GRIK2: variants seen among roughly 807,000 people sequenced by gnomAD.
GRIK2 encodes the protein glutamate ionotropic receptor kainate type subunit 2.
Under a neutral mutation model 100.3 loss-of-function variants are expected in GRIK2, and 32 were observed. That is an observed-to-expected ratio of 0.32 (90% CI 0.24 to 0.43). The LOEUF is 0.43. Among genes scored for constraint, GRIK2 ranks in the 20% least tolerant of loss-of-function variants. GRIK2 has a pLI of 1.00. For synonymous variants in GRIK2, 417 were observed against 389.4 expected (o/e 1.07, Z -0.83); for missense variants, 843 against 1,114.9 (o/e 0.76, Z 3.47).
intron 14 of GRIK2, among the ~76,000 whole-genome samples, chr6:101,944,068 T>C (rs955495362): frequency 1.3e-5 from 2 of 152,088 alleles, no homozygotes; most frequent in African/African-American, 4.8e-5. Flanking sequence ...CTCCCAATGC[T>C]GTCTCATAAG....
intron 2 of GRIK2, among the ~76,000 whole-genome samples, chr6:101,499,626 A>G (rs1473693726): frequency 6.6e-6 from 1 of 152,112 alleles, no homozygotes; most frequent in African/African-American, 2.4e-5. Context: ...AATTTGTAAT[A>G]GTTAACATTT....
chr6:101,841,864 A>C (rs945895454), intron 10 of GRIK2, among the ~76,000 whole-genome samples: 2 of 152,032 alleles, frequency 1.3e-5, no homozygotes, highest in Admixed American at 6.6e-5. Flanking sequence ...ATTAGTTGAC[A>C]CTTGGTACCT....
intron 3 of GRIK2, among the ~76,000 whole-genome samples, chr6:101,623,110 T>A (rs1160231069): frequency 6.6e-6 from 1 of 152,110 alleles, no homozygotes; most frequent in Non-Finnish European, 1.5e-5. Flanking sequence ...ATGGTTTTAC[T>A]GTAGCTACCT....
chr6:101,496,144 A>T (rs576979972), intron 2 of GRIK2, among the ~76,000 whole-genome samples: 7 of 151,988 alleles, frequency 4.6e-5, no homozygotes, highest in African/African-American at 1.7e-4. Context: ...ATGGGGTTTC[A>T]CCATGTTGGC....
chr6:101,747,062 A>C (rs1215535086), intron 7 of GRIK2, among the ~76,000 whole-genome samples: 1 of 152,190 alleles, frequency 6.6e-6, no homozygotes, highest in Admixed American at 6.5e-5. Flanking sequence ...CCAGAGAAAT[A>C]AGTCTTCCGT....
intron 1 of GRIK2, 145 bp from the exon 2 acceptor site, chr6:101,398,840 C>T: frequency 2.5e-6 from 1 of 395,314 alleles, no homozygotes; most frequent in Non-Finnish European, 4.5e-6. Flanking sequence ...ACGTCAGAAG[C>T]TGTGCAGCAG....
intron 2 of GRIK2, among the ~76,000 whole-genome samples, chr6:101,419,644 C>T (rs1776321073): frequency 6.6e-6 from 1 of 152,192 alleles, no homozygotes; most frequent in Non-Finnish European, 1.5e-5. Context: ...AGCCTAGAAA[C>T]TGGGTGCCAT....
At chr6:101,912,395 C>G (rs1051307976) in intron 12 of GRIK2, among the ~76,000 whole-genome samples, 2 of 151,504 alleles carry the variant, frequency 1.3e-5, no homozygotes, top group Non-Finnish European at 3.0e-5. Flanking sequence ...TTCCCAGTCT[C>G]AGGCCTACAT....
intron 2 of GRIK2, among the ~76,000 whole-genome samples, chr6:101,403,698 A>G (rs1166137470): frequency 1.3e-5 from 2 of 151,942 alleles, no homozygotes; most frequent in Admixed American, 6.6e-5. Context: ...TTTGAAAGAG[A>G]TTTTTCCTCC....
chr6:101,466,531 A>G (rs897890371), intron 2 of GRIK2, among the ~76,000 whole-genome samples: 1 of 151,708 alleles, frequency 6.6e-6, no homozygotes, highest in African/African-American at 2.4e-5. Context: ...GTGAAAACAT[A>G]TTTGTTAGCT....
chr6:102,055,191 AGTT>A (rs765711911), intron 15 of GRIK2, 136 bp from the exon 16 acceptor site: 6 of 580,850 alleles, frequency 1.0e-5, no homozygotes, highest in Non-Finnish European at 1.8e-5. Context: ...TGTTTTTTCC[AGTT>A]GTTTTTCTCT....
At chr6:101,419,997 C>G (rs1582408236) in intron 2 of GRIK2, among the ~76,000 whole-genome samples, 2 of 152,330 alleles carry the variant, frequency 1.3e-5, no homozygotes, top group Non-Finnish European at 2.9e-5. Flanking sequence ...ATGCTGTATT[C>G]TAACCTCTAG....
rs183698970 is a variant in GRIK2 at position 101,954,199 on chromosome 6, A to G, written c.2085+25567A>G. On this transcript the variant is annotated intron_variant, in intron 14 of 16. Coordinates refer to ENST00000369134, the MANE Select transcript of GRIK2 (RefSeq NM_021956.5). ...CATCAGTTTCCTTTTTTATTTCAAG[A>G]TTGTTTTGACTATGTCAGGTTCCCT... Among the ~76,000 whole-genome samples, 4 of 152,214 alleles carry G rather than the reference A, an allele frequency of 2.6e-5. No homozygotes were observed. The East Asian group carries it at 7.7e-4, about 29-fold the overall frequency.
intron 12 of GRIK2, among the ~76,000 whole-genome samples, chr6:101,918,213 C>T (rs1218628649): frequency 2.0e-5 from 3 of 151,372 alleles, no homozygotes; most frequent in Admixed American, 6.6e-5. Flanking sequence ...AAAAAATAAA[C>T]ACATATTGAA....
At position 101,754,541 on chromosome 6, in the gene GRIK2, T is replaced by C. The variant is rs545917056; in HGVS notation, c.952-45107T>C. Among the ~76,000 whole-genome samples the C allele has an allele frequency of 2.4e-4, 36 of 152,316 alleles. No individual in the cohort carries two copies. In the South Asian group the frequency reaches 7.5e-3, roughly 32 times the overall value. ...GTAGACCTATGCTAACCAATCATAA[T>C]GTAAATGTAACCAAAAGAGCTATAA... On this transcript the variant is annotated intron_variant, in intron 7 of 16. Transcript: ENST00000369134.
At chr6:101,822,372 G>A (rs1467363764) in intron 10 of GRIK2, among the ~76,000 whole-genome samples, 2 of 151,852 alleles carry the variant, frequency 1.3e-5, no homozygotes, top group Admixed American at 6.6e-5. Context: ...ACTCACAGTA[G>A]AAGAATAGAC....
At chr6:101,947,224 A>C (rs891749812) in intron 14 of GRIK2, among the ~76,000 whole-genome samples, 1 of 152,160 alleles carries the variant, frequency 6.6e-6, no homozygotes, top group African/African-American at 2.4e-5. Context: ...GTAATTTTTA[A>C]TACTAACAAT....
At chr6:101,873,556 A>G (rs1785582303) in intron 11 of GRIK2, among the ~76,000 whole-genome samples, 1 of 152,020 alleles carries the variant, frequency 6.6e-6, no homozygotes, top group African/African-American at 2.4e-5. Flanking sequence ...CAATAAACAT[A>G]CATGTGCATG....
At chr6:101,576,747 TGAG>T (rs1320106202) in intron 2 of GRIK2, among the ~76,000 whole-genome samples, 9 of 152,042 alleles carry the variant, frequency 5.9e-5, no homozygotes, top group African/African-American at 1.9e-4. Flanking sequence ...TCTGTGTAAA[TGAG>T]GAGAATTGCT....
Sources: allele counts gnomAD v4.1 joint callset (sites outside exome capture counted in the v4.1 genomes callset), GRCh38; gene constraint gnomAD v4.1.1; transcripts MANE v1.5; gene names NCBI Gene and HGNC (gene_info 2026-07-23, HGNC 2026-07-21).